Variants in RAD9B observed in about 807,000 individuals in gnomAD.
The protein encoded by RAD9B is cell cycle checkpoint control protein RAD9B.
A neutral mutation model predicts 48.3 loss-of-function variants in RAD9B; 41 were observed. That is an observed-to-expected ratio of 0.85 (90% CI 0.66 to 1.10). The LOEUF (loss-of-function observed/expected upper bound fraction) is 1.10. RAD9B is among the 50% of genes least tolerant of loss of function. RAD9B has a pLI of 0.00. For synonymous variants in RAD9B, 160 were observed against 157.9 expected (o/e 1.01, Z -0.10); for missense variants, 444 against 485.1 (o/e 0.92, Z 0.80).
chr12:110,521,211 C>A (rs1415238473), intron 9 of RAD9B, among the ~76,000 whole-genome samples: 1 of 152,122 alleles, frequency 6.6e-6, no homozygotes, highest in Non-Finnish European at 1.5e-5. Flanking sequence ...GGCTGGAGTG[C>A]AGTAGCACAG....
intron 6 of RAD9B, among the ~76,000 whole-genome samples, chr12:110,518,053 T>TGGTGGTGGGC (rs1278928883): frequency 6.6e-6 from 1 of 151,800 alleles, no homozygotes. Context: ...TAGCCGAGTG[T>TGGTGGTGGGC]GGTGGTGGGC....
At chr12:110,503,710 T>C (rs775694495) in intron 1 of RAD9B, 96 bp from the exon 2 acceptor site, 11 of 860,050 alleles carry the variant, frequency 1.3e-5, no homozygotes, top group Non-Finnish European at 2.1e-5. Context: ...TATTTTTGAA[T>C]TTCTCTTGAG....
At chr12:110,515,024 T>G (rs1363863075) in intron 5 of RAD9B, 26 bp from the exon 6 acceptor site, 1 of 1,358,188 alleles carries the variant, frequency 7.4e-7, no homozygotes, top group Admixed American at 2.0e-5. Context: ...TCAAATAATG[T>G]TAATACTGTT....
At position 110,532,448 on chromosome 12, in the gene RAD9B, G is replaced by A. The variant is rs1272653680; in HGVS notation, c.*1795G>A. Among the ~76,000 whole-genome samples the A allele has an allele frequency of 6.6e-6, 1 of 152,214 alleles. No individual in the cohort carries two copies. The highest frequency in any genetic ancestry group is 1.5e-5 in the Non-Finnish European group (1 of 68,032). On this transcript the variant is annotated 3_prime_UTR_variant, in exon 11 of 11. Transcript: ENST00000409300. ...TGGCGGGGTGTAGTGGCTCATGCCT[G>A]TAATCCCAGCACTTTGGGAGGCCCA...
intron 3 of RAD9B, 107 bp downstream of exon 3, chr12:110,505,879 C>A: frequency 1.2e-6 from 1 of 838,454 alleles, no homozygotes; most frequent in Non-Finnish European, 1.8e-6. Flanking sequence ...CAGGACAAAT[C>A]TGTTCATTAT....
At position 110,531,682 on chromosome 12, in the gene RAD9B, G is replaced by A; in HGVS notation, c.*1029G>A. On this transcript the variant is annotated 3_prime_UTR_variant, in exon 11 of 11. Transcript: ENST00000409300. ...ACAGCCTGAGTTTGGAGTGGAATAA[G>A]GTGGAAGACAAATGTCTCTGTTCTT... The A allele has an allele frequency of 7.7e-6, 12 of 1,562,380 alleles. No homozygotes were observed. The highest frequency in any genetic ancestry group is 1.0e-5 in the Non-Finnish European group (12 of 1,144,392).
rs752308996 is a variant in RAD9B at position 110,506,942 on chromosome 12, C to T, written c.388+249C>T. 1.3e-4 allele frequency among the ~76,000 whole-genome samples: 19 copies of T among 151,732 alleles called. No individual in the cohort carries two copies. The highest frequency in any genetic ancestry group is 2.1e-4 in the Non-Finnish European group (14 of 67,924). ...GCGACCTCCACCTCGTGGGTTCAAG[C>T]AGTTCTCCCGCCTCAGCCTCCCAAG... is the stretch of plus-strand genomic sequence containing the variant. On this transcript the variant is annotated intron_variant, in intron 4 of 10. Coordinates refer to ENST00000409300, the MANE Select transcript of RAD9B (RefSeq NM_001286535.2).
intron 4 of RAD9B, among the ~76,000 whole-genome samples, chr12:110,507,423 A>T (rs985300312): frequency 1.4e-5 from 2 of 141,416 alleles, no homozygotes; most frequent in African/African-American, 5.2e-5. Context: ...TATAATATAT[A>T]ATATATATGT....
At position 110,526,958 on chromosome 12, in the gene RAD9B, C is replaced by G. The variant is rs78642665; in HGVS notation, c.1126-3567C>G. ...ACCATGCCTCCAATTATGGCCAGATCAGTATGTTAGTTTCCCAATGACCCT... is the reference window on the plus strand; with the variant it reads ...ACCATGCCTCCAATTATGGCCAGATGAGTATGTTAGTTTCCCAATGACCCT... On this transcript the variant is annotated intron_variant, in intron 10 of 10. Transcript: ENST00000409300. 6.7e-4 allele frequency among the ~76,000 whole-genome samples: 101 copies of G among 151,584 alleles called. 1 individual carries two copies. The East Asian group carries it at 0.019, about 29-fold the overall frequency.
At chr12:110,522,916 T>A (rs1055037457) in intron 10 of RAD9B, among the ~76,000 whole-genome samples, 9 of 152,230 alleles carry the variant, frequency 5.9e-5, no homozygotes, top group African/African-American at 2.2e-4. Context: ...ATAAGATAGA[T>A]GATAAGCTTT....
chr12:110,526,486 C>A (rs975710759), intron 10 of RAD9B, among the ~76,000 whole-genome samples: 1 of 152,200 alleles, frequency 6.6e-6, no homozygotes, highest in Admixed American at 6.5e-5. Flanking sequence ...TATAGCACCA[C>A]AAACATTATC....
At chr12:110,521,299 C>T (rs2063776865) in intron 9 of RAD9B, among the ~76,000 whole-genome samples, 1 of 152,116 alleles carries the variant, frequency 6.6e-6, no homozygotes, top group Admixed American at 6.5e-5. Flanking sequence ...ACTACAGGCA[C>T]CTGCCACCAC....
intron 4 of RAD9B, among the ~76,000 whole-genome samples, chr12:110,509,110 G>A (rs1476776291): frequency 1.3e-5 from 2 of 152,112 alleles, no homozygotes; most frequent in Non-Finnish European, 2.9e-5. Context: ...GACTACAGGC[G>A]CCTGCCACCA....
intron 4 of RAD9B, among the ~76,000 whole-genome samples, chr12:110,510,606 C>T (rs1222746652): frequency 6.6e-6 from 1 of 151,962 alleles, no homozygotes; most frequent in East Asian, 1.9e-4. Context: ...CAGTTGAGGC[C>T]CCAGACATGA....
At chr12:110,516,052 C>T (rs577639041) in intron 6 of RAD9B, among the ~76,000 whole-genome samples, 22 of 151,832 alleles carry the variant, frequency 1.4e-4, no homozygotes, top group Non-Finnish European at 2.8e-4. Context: ...CATAGTGACA[C>T]CTCATCTTTA....
At chr12:110,513,604 G>A (rs1010055087) in intron 5 of RAD9B, among the ~76,000 whole-genome samples, 1 of 151,574 alleles carries the variant, frequency 6.6e-6, no homozygotes. Flanking sequence ...TTATTTGAAA[G>A]TGCATCCAGT....
At chr12:110,502,515 C>A in intron 1 of RAD9B, 132 bp downstream of exon 1, 1 of 997,212 alleles carries the variant, frequency 1.0e-6, no homozygotes, top group Non-Finnish European at 1.5e-6. Context: ...CTGGCCACAG[C>A]CCCACCCACT....
intron 1 of RAD9B, chr12:110,502,744 T>TC (rs1253296560): frequency 5.5e-6 from 1 of 180,700 alleles, no homozygotes; most frequent in Non-Finnish European, 1.2e-5. Context: ...GTTTTTTTTT[T>TC]CCCCAGATTC....
In RAD9B at chr12:110,531,713, C is replaced by T; in HGVS notation, c.*1060C>T. On this transcript the variant is annotated 3_prime_UTR_variant, in exon 11 of 11. Coordinates refer to ENST00000409300, the MANE Select transcript of RAD9B (RefSeq NM_001286535.2). ...AGACAAATGTCTCTGTTCTTTGGCC[C>T]TTTAAGAGTTAGCTTTTTACCTGCA... The T allele has an allele frequency of 7.3e-7, 1 of 1,364,094 alleles. No individual in the cohort carries two copies. The highest frequency in any genetic ancestry group is 1.0e-6 in the Non-Finnish European group (1 of 989,886). 84.5% of individuals were successfully genotyped at this position (1,364,094 alleles called of 1,614,324 possible). A position where few individuals can be genotyped will look rare whatever the true frequency, so the allele number is the denominator to read the frequency against.
Sources: allele counts gnomAD v4.1 joint callset (sites outside exome capture counted in the v4.1 genomes callset), GRCh38; gene constraint gnomAD v4.1.1; transcripts MANE v1.5; gene names NCBI Gene and HGNC (gene_info 2026-07-23, HGNC 2026-07-21).